Variants in DOK5 observed in about 807,000 individuals in gnomAD.
DOK5 encodes docking protein 5, also known as downstream of tyrosine kinase 5.
In DOK5, 27 loss-of-function variants were observed where a neutral mutation model predicts 43.3. The observed-to-expected ratio is 0.62, with a 90% confidence interval of 0.46 to 0.86. The LOEUF (loss-of-function observed/expected upper bound fraction) is 0.86. DOK5 is among the 40% of genes least tolerant of loss of function. The pLI is 0.00. For synonymous variants in DOK5, 146 were observed against 140.1 expected, an observed-to-expected ratio of 1.04 and a Z score of -0.30; for missense variants, 373 against 392.9, an observed-to-expected ratio of 0.95 and a Z score of 0.43.
At chr20:54,578,371 T>G (rs1229220208) in intron 2 of DOK5, among the ~76,000 whole-genome samples, 1 of 152,134 alleles carries the variant, frequency 6.6e-6, no homozygotes, top group Non-Finnish European at 1.5e-5. Context: ...AGCTACAAAT[T>G]TTAGCTCCAT....
chr20:54,481,922 C>T (rs1981737696), intron 1 of DOK5, among the ~76,000 whole-genome samples: 1 of 152,124 alleles, frequency 6.6e-6, no homozygotes, highest in Admixed American at 6.5e-5. Flanking sequence ...AGTAAAAACC[C>T]AATTAATGTT....
chr20:54,530,082 A>G (rs372187121), intron 1 of DOK5, among the ~76,000 whole-genome samples: 47 of 152,294 alleles, frequency 3.1e-4, no homozygotes, highest in Admixed American at 1.3e-4. Flanking sequence ...TCTTGTGTCA[A>G]TTACTGAATT....
At chr20:54,604,091 C>T (rs990099254) in intron 5 of DOK5, among the ~76,000 whole-genome samples, 1 of 151,662 alleles carries the variant, frequency 6.6e-6, no homozygotes, top group Non-Finnish European at 1.5e-5. Flanking sequence ...AGACTACAGG[C>T]GCCCGCCACC....
intron 4 of DOK5, among the ~76,000 whole-genome samples, chr20:54,590,647 A>G (rs567120415): frequency 6.6e-6 from 1 of 152,312 alleles, no homozygotes; most frequent in Middle Eastern, 3.4e-3. Context: ...TTTCATGAAC[A>G]CTATCTCAGC....
At chr20:54,554,848 C>T in intron 1 of DOK5, 85 bp from the exon 2 acceptor site, 2 of 831,056 alleles carry the variant, frequency 2.4e-6, no homozygotes, top group East Asian at 5.2e-5. Context: ...AAATATTTCA[C>T]AGGTGAAAAC....
intron 2 of DOK5, among the ~76,000 whole-genome samples, chr20:54,576,661 C>A (rs1600712967): frequency 6.6e-6 from 1 of 152,180 alleles, no homozygotes; most frequent in Admixed American, 6.5e-5. Flanking sequence ...CAGGACCTGG[C>A]ATGCCGATTC....
At chr20:54,605,001 C>CAAAAA (rs71196456) in intron 5 of DOK5, among the ~76,000 whole-genome samples, 6,978 of 106,436 alleles carry the variant, frequency 0.066, 286 homozygotes, top group African/African-American at 0.13. Flanking sequence ...GACTGTGTCT[C>CAAAAA]AAAAAAAAAA....
intron 1 of DOK5, among the ~76,000 whole-genome samples, chr20:54,533,166 G>C (rs1427914829): frequency 6.6e-6 from 1 of 152,230 alleles, no homozygotes; most frequent in African/African-American, 2.4e-5. Context: ...AAAATTCTTT[G>C]GTGGGGGCTG....
intron 2 of DOK5, among the ~76,000 whole-genome samples, chr20:54,570,288 T>C (rs1036573137): frequency 6.6e-6 from 1 of 152,228 alleles, no homozygotes; most frequent in Non-Finnish European, 1.5e-5. Context: ...AGAAACATTG[T>C]GGACTCAGAA....
chr20:54,532,557 AG>A (rs1983813701), intron 1 of DOK5, among the ~76,000 whole-genome samples: 1 of 152,102 alleles, frequency 6.6e-6, no homozygotes, highest in South Asian at 2.1e-4. Flanking sequence ...GGTGTGTGGG[AG>A]GCTGGAGGTG....
chr20:54,587,257 G>A (rs1985835439), intron 2 of DOK5, among the ~76,000 whole-genome samples: 1 of 152,182 alleles, frequency 6.6e-6, no homozygotes, highest in African/African-American at 2.4e-5. Flanking sequence ...GAAGTGGTGT[G>A]ACATTTCATG....
chr20:54,571,489 G>GTTGACATT (rs1723813919), intron 2 of DOK5, among the ~76,000 whole-genome samples: 1 of 152,186 alleles, frequency 6.6e-6, no homozygotes, highest in Non-Finnish European at 1.5e-5. Flanking sequence ...CATCAGCACT[G>GTTGACATT]TTGACATTTT....
At chr20:54,563,315 T>C (rs1984975651) in intron 2 of DOK5, among the ~76,000 whole-genome samples, 1 of 152,240 alleles carries the variant, frequency 6.6e-6, no homozygotes, top group Non-Finnish European at 1.5e-5. Context: ...TGTCATTCCC[T>C]GGTGTTCATT....
intron 2 of DOK5, chr20:54,555,332 G>A (rs1984673224): frequency 3.8e-6 from 1 of 260,078 alleles, no homozygotes; most frequent in Non-Finnish European, 7.6e-6. Context: ...GAGAGGATGA[G>A]GACTGGATCT....
intron 7 of DOK5, among the ~76,000 whole-genome samples, chr20:54,644,622 C>T (rs1174922489): frequency 6.6e-6 from 1 of 150,920 alleles, no homozygotes; most frequent in East Asian, 2.0e-4. Context: ...AGGAGAATGG[C>T]GTGAACCCGG....
In DOK5 at chr20:54,546,120, G is replaced by A. The variant is rs145399509; in HGVS notation, c.67-8813G>A. 5.1e-4 allele frequency among the ~76,000 whole-genome samples: 77 copies of A among 152,284 alleles called. 1 individual carries two copies. The highest frequency in any genetic ancestry group is 1.7e-3 in the African/African-American group (71 of 41,560). The stretch of plus-strand genomic sequence containing the variant: ...TATTTCTCCTAGCTTTTGACCTTGA[G>A]TAAGATGCTCAACCTCACTAAAAAC... On this transcript the variant is annotated intron_variant, in intron 1 of 7. Coordinates refer to ENST00000262593, the MANE Select transcript of DOK5 (RefSeq NM_018431.5).
chr20:54,592,809 G>T (rs1440730841), intron 5 of DOK5, among the ~76,000 whole-genome samples: 3 of 152,116 alleles, frequency 2.0e-5, no homozygotes, highest in Non-Finnish European at 2.9e-5. Flanking sequence ...TGGGATTACC[G>T]GCGTGAGCCA....
chr20:54,604,182 G>A (rs1448823235), intron 5 of DOK5, among the ~76,000 whole-genome samples: 2 of 151,958 alleles, frequency 1.3e-5, no homozygotes, highest in South Asian at 2.1e-4. Flanking sequence ...TCCTGACCTA[G>A]TGATCCACCC....
intron 1 of DOK5, among the ~76,000 whole-genome samples, chr20:54,542,257 C>T (rs1198504780): frequency 6.6e-6 from 1 of 152,156 alleles, no homozygotes; most frequent in African/African-American, 2.4e-5. Flanking sequence ...ACATGGTAGG[C>T]ACCTGATAAA....
Sources: gnomAD v4.1 joint callset for allele counts (sites outside exome capture counted in the v4.1 genomes callset) on GRCh38, gnomAD v4.1.1 for gene constraint, MANE v1.5 for transcripts, NCBI Gene and HGNC (gene_info 2026-07-23, HGNC 2026-07-21) for gene names.